PPP1R21: variants seen among roughly 807,000 people sequenced by gnomAD.
PPP1R21 encodes protein phosphatase 1 regulatory subunit 21.
In PPP1R21, 85 loss-of-function variants were observed where a neutral mutation model predicts 112.8. The ratio of observed to expected loss-of-function variants is 0.75; its 90% confidence interval spans 0.63 to 0.90. The LOEUF (loss-of-function observed/expected upper bound fraction) is 0.90. Ranked by LOEUF, PPP1R21 falls within the 40% of genes least tolerant of loss-of-function variation. PPP1R21 has a pLI of 0.00. For missense variants in PPP1R21, 1,199 were observed against 901.5 expected, an observed-to-expected ratio of 1.33 and a Z score of -4.23; for synonymous variants, 381 against 322.3, an observed-to-expected ratio of 1.18 and a Z score of -1.95.
chr2:48,467,065 C>T lies in PPP1R21; in HGVS notation c.897+1423C>T, dbSNP rs13385602. On this transcript the variant is annotated intron_variant, in intron 9 of 21. Transcript: ENST00000294952. ...TGTACTCACAGTGTAACTTTCATCA[C>T]TGGGCATGTTTAGGAGTAAAACAAC... is the stretch of plus-strand genomic sequence containing the variant. Among the ~76,000 whole-genome samples, 301 of 152,288 alleles carry T rather than the reference C, an allele frequency of 2.0e-3. 2 individuals carry two copies. Among genetic ancestry groups the T allele is most frequent in the African/African-American group, 7.0e-3 (289 of 41,574 alleles).
chr2:48,458,430 C>T (rs1315994397), intron 4 of PPP1R21, among the ~76,000 whole-genome samples: 1 of 152,156 alleles, frequency 6.6e-6, no homozygotes, highest in Non-Finnish European at 1.5e-5. Context: ...GAAGTATATG[C>T]ATTTGTTCAG....
At chr2:48,449,020 CT>C (rs1172016390) in intron 1 of PPP1R21, among the ~76,000 whole-genome samples, 5 of 151,612 alleles carry the variant, frequency 3.3e-5, no homozygotes, top group African/African-American at 1.2e-4. Context: ...AATTTAATCT[CT>C]TCTACTTTTT....
intron 11 of PPP1R21, 194 bp downstream of exon 11, chr2:48,471,561 G>A (rs1264053305): frequency 3.7e-6 from 2 of 546,694 alleles, no homozygotes; most frequent in Admixed American, 7.2e-5. Context: ...TTGAATTATA[G>A]TCTGTCAGTT....
rs777531403 is a variant in PPP1R21, at chr2:48,461,147, G to A, written c.609G>A (p.Gln203=). ...CRLRTEECQL[Q]LKTLHEDLSG... The stretch of plus-strand genomic sequence containing the variant: ...TTTTTTTTTTTTGCAGTCAATTACA[G>A]TTAAAGACTCTTCATGAAGATTTGT... The change falls in exon 7 of 22, where the codon CAG becomes CAA. Residue 203 remains glutamine (Q), a synonymous_variant. Coordinates refer to ENST00000294952, the MANE Select transcript of PPP1R21 (RefSeq NM_001135629.3). 2.5e-6 allele frequency: 4 copies of A among 1,575,200 alleles called. No individual in the cohort carries two copies. In the Admixed American group the frequency reaches 8.2e-5, roughly 32 times the overall value.
At chr2:48,474,855 G>T (rs1166290220) in intron 12 of PPP1R21, 36 bp downstream of exon 12, 1 of 1,587,150 alleles carries the variant, frequency 6.3e-7, no homozygotes, top group African/African-American at 1.4e-5. Flanking sequence ...CAACTTCAAG[G>T]ACTTAAGAGT....
At chr2:48,510,912 G>A (rs78938646) in intron 20 of PPP1R21, among the ~76,000 whole-genome samples, 14,543 of 152,248 alleles carry the variant, frequency 0.096, 771 homozygotes, top group Non-Finnish European at 0.12. Flanking sequence ...ATCTACTTTG[G>A]AGGCTGAGAA....
Position 48,460,247 on chromosome 2 carries a change from C to A in PPP1R21, c.599+94C>A, listed in dbSNP as rs189880538. On this transcript the variant is annotated intron_variant, in intron 6 of 21. Coordinates refer to ENST00000294952, the MANE Select transcript of PPP1R21 (RefSeq NM_001135629.3). ...CAGCTCCTCTGTTTTAATTGTCTTA[C>A]ATTTAAAAGGAGAAAATGGGAGTAA... 8.7e-6 allele frequency: 11 copies of A among 1,259,718 alleles called. No homozygotes were observed. The East Asian group carries it at 1.5e-4, about 17-fold the overall frequency. The allele number at this position is 1,259,718 out of a possible 1,614,324, so 78.0% of individuals were successfully genotyped here. A position where few individuals can be genotyped will look rare whatever the true frequency, so the allele number is the denominator to read the frequency against.
chr2:48,466,424 G>A (rs1459544000), intron 9 of PPP1R21, among the ~76,000 whole-genome samples: 3 of 151,256 alleles, frequency 2.0e-5, no homozygotes, highest in African/African-American at 7.3e-5. Context: ...CCAGGGTTTC[G>A]CCATGTTGGC....
In PPP1R21 at chr2:48,486,798, A is replaced by G. The variant is rs377385302; in HGVS notation, c.1446+40A>G. 1.1e-5 allele frequency: 18 copies of G among 1,578,270 alleles called. No individual in the cohort carries two copies. The African/African-American group carries it at 1.9e-4, about 17-fold the overall frequency. ...GCGTATATTGATGTTAAAACTCTTA[A>G]ATATGTGCTTTTTTTCTGAGGGACA... On this transcript the variant is annotated intron_variant, in intron 14 of 21. Coordinates refer to ENST00000294952, the MANE Select transcript of PPP1R21 (RefSeq NM_001135629.3).
In PPP1R21 at chr2:48,440,806, A is replaced by C; in HGVS notation, c.-148A>C. On this transcript the variant is annotated 5_prime_UTR_variant, in exon 1 of 22. Coordinates refer to ENST00000294952, the MANE Select transcript of PPP1R21 (RefSeq NM_001135629.3). ...CACCCCGGGAACCCGGAAGTGGAGGAGGAGGCGCGGCGGCGGCGGCGGCGG... is the reference window on the plus strand; with the variant it reads ...CACCCCGGGAACCCGGAAGTGGAGGCGGAGGCGCGGCGGCGGCGGCGGCGG... The C allele has an allele frequency of 1.6e-6, 1 of 638,960 alleles. No individual in the cohort carries two copies. The highest frequency in any genetic ancestry group is 4.1e-4 in the Middle Eastern group (1 of 2,410). 39.6% of individuals were successfully genotyped at this position (638,960 alleles called of 1,614,324 possible).
intron 16 of PPP1R21, among the ~76,000 whole-genome samples, chr2:48,497,675 G>A (rs1488596596): frequency 7.1e-6 from 1 of 141,800 alleles, no homozygotes; most frequent in Non-Finnish European, 1.5e-5. Flanking sequence ...TTTTGGAGAC[G>A]GAGTCTTACT....
In PPP1R21 at chr2:48,459,777, C is replaced by A; in HGVS notation, c.399C>A (p.His133Gln). The change falls in exon 5 of 22, where the codon CAC (histidine) becomes CAA (glutamine). Residue 133 changes from histidine to glutamine, a missense_variant. His to Gln is a conservative substitution (Grantham distance 24). Transcript: ENST00000294952. ...HIQFFEADEQ[H>Q]KHVEAELRSR... ...AGTTTTTTGAAGCTGATGAGCAGCA[C>A]AAGCATGTGGAAGCAGAGCTGAGGA... 5 of 1,613,784 alleles carry A rather than the reference C, an allele frequency of 3.1e-6. No individual in the cohort carries two copies. The highest frequency in any genetic ancestry group is 4.2e-6 in the Non-Finnish European group (5 of 1,180,002).
Position 48,469,509 on chromosome 2 carries a change from CAT to C in PPP1R21, c.898-1552_898-1551del, listed in dbSNP as rs374280494. 8.2e-3 allele frequency among the ~76,000 whole-genome samples: 484 copies of C among 59,302 alleles called. 54 individuals carry two copies. Among genetic ancestry groups the C allele is most frequent in the African/African-American group, 0.018 (281 of 15,428 alleles). 38.9% of individuals were successfully genotyped at this position (59,302 alleles called of 152,430 possible). A position where few individuals can be genotyped will look rare whatever the true frequency, so the allele number is the denominator to read the frequency against. On this transcript the variant is annotated intron_variant, in intron 9 of 21. Coordinates refer to ENST00000294952, the MANE Select transcript of PPP1R21 (RefSeq NM_001135629.3). ...AGAGCATATATATATATATATAGAG[CAT>C]ATATATATATATATATATATATATA...
chr2:48,462,579 C>T (rs191731239), intron 7 of PPP1R21, among the ~76,000 whole-genome samples: 1 of 152,200 alleles, frequency 6.6e-6, no homozygotes, highest in East Asian at 1.9e-4. Context: ...TGTCATCATG[C>T]CCTCAGGAGC....
rs562899380 is a variant in PPP1R21, at chr2:48,454,310, T to G, written c.127-285T>G. ...AATAAATCAAATAAGTTTATAAATT[T>G]GTAGCCTCAATCTTTGTGTCTGTTC... On this transcript the variant is annotated intron_variant, in intron 2 of 21. Transcript: ENST00000294952. Among the ~76,000 whole-genome samples, 11 of 152,228 alleles carry G rather than the reference T, an allele frequency of 7.2e-5. No individual in the cohort carries two copies. The East Asian group carries it at 2.1e-3, about 29-fold the overall frequency.
chr2:48,503,048 G>A (rs1210523144), intron 17 of PPP1R21, among the ~76,000 whole-genome samples: 1 of 151,900 alleles, frequency 6.6e-6, no homozygotes, highest in Non-Finnish European at 1.5e-5. Flanking sequence ...AAGATACCTA[G>A]TATTATAATT....
intron 1 of PPP1R21, 151 bp downstream of exon 1, chr2:48,441,161 G>A (rs1572817256): frequency 1.2e-5 from 8 of 649,532 alleles, no homozygotes; most frequent in Non-Finnish European, 2.2e-5. Context: ...CCATTACGGT[G>A]CCTCCACCTG....
intron 15 of PPP1R21, among the ~76,000 whole-genome samples, chr2:48,494,917 G>A (rs967765268): frequency 2.6e-5 from 4 of 152,056 alleles, no homozygotes; most frequent in Non-Finnish European, 5.9e-5. Context: ...ATTTTGGCCC[G>A]GCTGGTCTCG....
rs1022721055 is a variant in PPP1R21 at position 48,514,886 on chromosome 2, C to T, written c.*142C>T. On this transcript the variant is annotated 3_prime_UTR_variant, in exon 22 of 22. Transcript: ENST00000294952. ...CTAGTAAACTAGTCAGTGTTGGAAA[C>T]GGCCTTGAAATATTTAAAACATATT... 32 of 722,904 alleles carry T rather than the reference C, an allele frequency of 4.4e-5. No individual in the cohort carries two copies. Among genetic ancestry groups the T allele is most frequent in the Admixed American group, 8.7e-5 (3 of 34,652 alleles). The allele number at this position is 722,904 out of a possible 1,614,324, so 44.8% of individuals were successfully genotyped here. A position where few individuals can be genotyped will look rare whatever the true frequency, so the allele number is the denominator to read the frequency against.
Sources: allele counts gnomAD v4.1 joint callset (sites outside exome capture counted in the v4.1 genomes callset), GRCh38; gene constraint gnomAD v4.1.1; transcripts MANE v1.5; gene names NCBI Gene and HGNC (gene_info 2026-07-23, HGNC 2026-07-21).